The following TRAM2 variants were observed in gnomAD, a reference collection of about 807,000 sequenced individuals.
TRAM2 encodes the protein translocating chain-associated membrane protein 2.
TRAM2 carries 12 observed loss-of-function variants against 51.0 expected under a neutral mutation model. That is an observed-to-expected ratio of 0.24 (90% CI 0.15 to 0.38). The LOEUF (loss-of-function observed/expected upper bound fraction) is 0.38, where lower values mean the gene tolerates loss of function less well. Ranked by LOEUF, TRAM2 falls within the 10% of genes least tolerant of loss-of-function variation. The pLI is 1.00. For synonymous variants in TRAM2, 175 were observed against 179.4 expected (o/e 0.98, Z 0.20); for missense variants, 361 against 462.0 (o/e 0.78, Z 2.00).
chr6:52,569,973 GCCC>G (rs1195051259), intron 1 of TRAM2, among the ~76,000 whole-genome samples: 1 of 152,172 alleles, frequency 6.6e-6, no homozygotes, highest in African/African-American at 2.4e-5. Context: ...TTGGATTCTA[GCCC>G]CCGTTTTGCC....
intron 1 of TRAM2, among the ~76,000 whole-genome samples, chr6:52,571,272 G>T (rs950284462): frequency 6.6e-6 from 1 of 152,232 alleles, no homozygotes; most frequent in African/African-American, 2.4e-5. Context: ...ATAAGGGTAG[G>T]AATGAGAGGT....
intron 1 of TRAM2, among the ~76,000 whole-genome samples, chr6:52,569,933 T>C (rs1311898417): frequency 2.0e-5 from 3 of 152,196 alleles, no homozygotes; most frequent in African/African-American, 4.8e-5. Flanking sequence ...GGCAGAGCTG[T>C]AGAAGACCAC....
chr6:52,552,425 C>A (rs922152744), intron 1 of TRAM2, among the ~76,000 whole-genome samples: 10 of 152,218 alleles, frequency 6.6e-5, no homozygotes, highest in Admixed American at 5.2e-4. Flanking sequence ...AATGGCTGTA[C>A]ATATATTACT....
chr6:52,571,971 A>G (rs1030909289), intron 1 of TRAM2, among the ~76,000 whole-genome samples: 11 of 152,228 alleles, frequency 7.2e-5, no homozygotes, highest in South Asian at 2.1e-4. Flanking sequence ...GTCATTAACC[A>G]ATCAATGTCA....
chr6:52,576,692 A>G (rs1581707782), intron 1 of TRAM2, 104 bp downstream of exon 1: 1 of 1,445,726 alleles, frequency 6.9e-7, no homozygotes, highest in Admixed American at 2.2e-5. Flanking sequence ...CACGGCAGCC[A>G]GGAGCCTCCG....
At position 52,502,950 on chromosome 6, in the gene TRAM2, A is replaced by AG. The variant is rs1766263361; in HGVS notation, c.*246dup. The AG allele has an allele frequency of 1.7e-6, 1 of 574,312 alleles. No homozygotes were observed. The highest frequency in any genetic ancestry group is 1.9e-5 in the African/African-American group (1 of 53,264). The allele number at this position is 574,312 out of a possible 1,614,324, so 35.6% of individuals were successfully genotyped here. On this transcript the variant is annotated 3_prime_UTR_variant, in exon 11 of 11. Coordinates refer to ENST00000182527, the MANE Select transcript of TRAM2 (RefSeq NM_012288.4). ...GAAAAGCCAGCACAGGACAGGAGTG[A>AG]GGACAGGAGGTGGCCTGAGGGGGAG...
At chr6:52,543,467 C>A (rs1767141467) in intron 1 of TRAM2, among the ~76,000 whole-genome samples, 2 of 152,266 alleles carry the variant, frequency 1.3e-5, no homozygotes, top group Middle Eastern at 3.4e-3. Flanking sequence ...TTGGTCAGAA[C>A]AAAATGTTTT....
chr6:52,556,679 G>C (rs1382220501), intron 1 of TRAM2, among the ~76,000 whole-genome samples: 1 of 152,100 alleles, frequency 6.6e-6, no homozygotes, highest in Non-Finnish European at 1.5e-5. Context: ...TGTAATCCCA[G>C]CTCTTTGGGA....
intron 1 of TRAM2, among the ~76,000 whole-genome samples, chr6:52,557,862 A>T (rs554748096): frequency 1.5e-4 from 23 of 152,252 alleles, no homozygotes; most frequent in Non-Finnish European, 4.4e-5. Flanking sequence ...ACATACCCCT[A>T]ATCTGGGACT....
chr6:52,571,687 G>C (rs118089852), intron 1 of TRAM2, among the ~76,000 whole-genome samples: 2,026 of 152,326 alleles, frequency 0.013, 22 homozygotes, highest in East Asian at 0.029. Context: ...AAGTTCTGGG[G>C]TAGAGAGATT....
intron 1 of TRAM2, among the ~76,000 whole-genome samples, chr6:52,565,223 A>T (rs1399543967): frequency 6.6e-6 from 1 of 152,148 alleles, no homozygotes; most frequent in Non-Finnish European, 1.5e-5. Flanking sequence ...AGGAGAAAGG[A>T]TCAGAAAAGA....
At chr6:52,524,292 G>A (rs971382812) in intron 2 of TRAM2, 1 of 152,108 alleles carries the variant, frequency 6.6e-6, no homozygotes, top group Non-Finnish European at 1.5e-5. Context: ...GGAGAAAAAA[G>A]CCAGGTACAG....
chr6:52,515,612 A>C lies in TRAM2; in HGVS notation c.411+394T>G, dbSNP rs114953619. Among the ~76,000 whole-genome samples the C allele has an allele frequency of 2.0e-3, 299 of 152,322 alleles. 1 individual carries two copies. The highest frequency in any genetic ancestry group is 7.0e-3 in the African/African-American group (293 of 41,574). Reference sequence around the variant, plus strand: ...AACCACAGGCATACTGCAAAATTTGAGCTTGGAACTCTTCAATCTGTAACA... The same window carrying C: ...AACCACAGGCATACTGCAAAATTTGCGCTTGGAACTCTTCAATCTGTAACA... On this transcript the variant is annotated intron_variant, in intron 4 of 10. Transcript: ENST00000182527.
intron 1 of TRAM2, among the ~76,000 whole-genome samples, chr6:52,543,620 C>T (rs1210868837): frequency 2.0e-5 from 3 of 152,206 alleles, no homozygotes; most frequent in Non-Finnish European, 4.4e-5. Flanking sequence ...ATATTTTAGA[C>T]TTGACTACAG....
intron 1 of TRAM2, among the ~76,000 whole-genome samples, chr6:52,550,425 C>G (rs1007484614): frequency 7.2e-5 from 11 of 152,176 alleles, no homozygotes; most frequent in Admixed American, 3.9e-4. Flanking sequence ...CTCAATTACC[C>G]CACCTGTTTC....
intron 2 of TRAM2, chr6:52,522,780 T>C (rs1766700190): frequency 3.3e-6 from 2 of 610,024 alleles, no homozygotes; most frequent in South Asian, 2.0e-5. Flanking sequence ...CTTGGCTGTT[T>C]TGACAACCTC....
rs571936604 is a variant in TRAM2 at position 52,576,160 on chromosome 6, A to G, written c.120+636T>C. Among the ~76,000 whole-genome samples the G allele has an allele frequency of 2.0e-5, 3 of 152,360 alleles. No individual in the cohort carries two copies. In the East Asian group the frequency reaches 5.8e-4, roughly 29 times the overall value. Reference sequence around the variant, plus strand: ...TCGCCGCAGATGGATCTAAAGGGACAGTTCACGGAGTGGTAAAGGATATCC... The same window carrying G: ...TCGCCGCAGATGGATCTAAAGGGACGGTTCACGGAGTGGTAAAGGATATCC... On this transcript the variant is annotated intron_variant, in intron 1 of 10. Transcript: ENST00000182527.
At chr6:52,540,600 C>T (rs1283488440) in intron 1 of TRAM2, among the ~76,000 whole-genome samples, 1 of 152,168 alleles carries the variant, frequency 6.6e-6, no homozygotes, top group Non-Finnish European at 1.5e-5. Flanking sequence ...TCCTTTAGCA[C>T]CCCAAGTCTT....
At chr6:52,554,075 G>A (rs970049765) in intron 1 of TRAM2, among the ~76,000 whole-genome samples, 1 of 151,914 alleles carries the variant, frequency 6.6e-6, no homozygotes, top group African/African-American at 2.4e-5. Context: ...ATCTGCCCCA[G>A]CCTACCAGCC....
Sources: allele counts gnomAD v4.1 joint callset (sites outside exome capture counted in the v4.1 genomes callset), GRCh38; gene constraint gnomAD v4.1.1; transcripts MANE v1.5; gene names NCBI Gene and HGNC (gene_info 2026-07-23, HGNC 2026-07-21).